Variants in GSTO2 observed in about 807,000 individuals in gnomAD.
The protein encoded by GSTO2 is glutathione S-transferase omega-2.
GSTO2 carries 23 observed loss-of-function variants against 28.4 expected under a neutral mutation model. The ratio of observed to expected loss-of-function variants is 0.81; its 90% CI spans 0.58 to 1.15. The LOEUF (loss-of-function observed/expected upper bound fraction) is 1.15. GSTO2 is among the 50% of genes most tolerant of loss of function. The pLI is 0.00. For missense variants in GSTO2, 298 were observed against 297.8 expected (o/e 1.00, Z 0.00); for synonymous variants, 109 against 111.0 (o/e 0.98, Z 0.11).
At chr10:104,296,248 T>C (rs2013015454) in intron 5 of GSTO2, 1 of 152,200 alleles carries the variant, frequency 6.6e-6, no homozygotes, top group Non-Finnish European at 1.5e-5. Context: ...AATTTTATTT[T>C]AATGCATTAA....
rs757015249 is a variant in GSTO2, at chr10:104,299,373, CTTTCT to C, written c.*97_*101del. Reference sequence around the variant, plus strand: ...TTGTCTTGGGAACCAATCCGTCTCTCTTTCTTTTCTTTGAAGTTCCCAATAAAATG... The same window carrying C: ...TTGTCTTGGGAACCAATCCGTCTCTCTTTCTTTGAAGTTCCCAATAAAATG... On this transcript the variant is annotated 3_prime_UTR_variant, in exon 7 of 7. Coordinates refer to ENST00000338595, the MANE Select transcript of GSTO2 (RefSeq NM_183239.2). The C allele has an allele frequency of 8.3e-5, 117 of 1,409,276 alleles. No homozygotes were observed. Among genetic ancestry groups the C allele is most frequent in the Non-Finnish European group, 1.0e-4 (106 of 1,019,864 alleles). 87.3% of individuals were successfully genotyped at this position (1,409,276 alleles called of 1,614,324 possible).
At chr10:104,279,710 C>T (rs143079922) in intron 5 of GSTO2, among the ~76,000 whole-genome samples, 222 of 152,248 alleles carry the variant, frequency 1.5e-3, no homozygotes, top group African/African-American at 5.1e-3. Flanking sequence ...CAGAGTCACC[C>T]CATCTCCCTG....
Position 104,301,733 on chromosome 10 carries a change from C to G in GSTO2, c.*2449C>G, listed in dbSNP as rs979369504. 1 of 152,156 alleles carries G rather than the reference C, an allele frequency of 6.6e-6. No individual in the cohort carries two copies. Among genetic ancestry groups the G allele is most frequent in the Non-Finnish European group, 1.5e-5 (1 of 68,030 alleles). The allele number at this position is 152,156 out of a possible 1,614,324, so 9.4% of individuals were successfully genotyped here. Reference sequence around the variant, plus strand: ...AACCACTTTTAGTAATTGGTGTCTACCTTTTTTTCCCCTTTTCTTTTAAAT... The same window carrying G: ...AACCACTTTTAGTAATTGGTGTCTAGCTTTTTTTCCCCTTTTCTTTTAAAT... On this transcript the variant is annotated 3_prime_UTR_variant, in exon 7 of 7. Coordinates refer to ENST00000338595, the MANE Select transcript of GSTO2 (RefSeq NM_183239.2).
At chr10:104,275,465 A>G in intron 3 of GSTO2, 131 bp downstream of exon 3, 1 of 728,702 alleles carries the variant, frequency 1.4e-6, no homozygotes, top group Non-Finnish European at 2.2e-6. Flanking sequence ...AGGCAAAGTC[A>G]ACAAATAGCA....
At chr10:104,272,586 A>ATTTTTTTTTTTTTTTTTTT (rs1564841555) in intron 1 of GSTO2, among the ~76,000 whole-genome samples, 1 of 56,900 alleles carries the variant, frequency 1.8e-5, no homozygotes, top group East Asian at 6.5e-4. Flanking sequence ...CAGTTATGGG[A>ATTTTTTTTTTTTTTTTTTT]CTTTTTTTTT....
At chr10:104,280,165 CAAAAAAAAAAA>C (rs56803318) in intron 5 of GSTO2, among the ~76,000 whole-genome samples, 722 of 57,090 alleles carry the variant, frequency 0.013, 33 homozygotes, top group Admixed American at 0.11. Flanking sequence ...GTAGGACTGA[CAAAAAAAAAAA>C]AAAAAAAAAA....
intron 5 of GSTO2, among the ~76,000 whole-genome samples, chr10:104,283,127 C>T (rs1398435287): frequency 6.6e-6 from 1 of 152,206 alleles, no homozygotes; most frequent in Non-Finnish European, 1.5e-5. Context: ...TGGGCAGCTC[C>T]AGCATGTCAC....
At chr10:104,276,782 G>A (rs540842095) in intron 3 of GSTO2, among the ~76,000 whole-genome samples, 19 of 152,244 alleles carry the variant, frequency 1.2e-4, no homozygotes, top group African/African-American at 3.6e-4. Flanking sequence ...TCTGCTGTAG[G>A]TTTAAGACAA....
At position 104,300,358 on chromosome 10, in the gene GSTO2, TG is replaced by T; in HGVS notation, c.*1076del. 1 of 152,398 alleles carries T rather than the reference TG, an allele frequency of 6.6e-6. No individual in the cohort carries two copies. The highest frequency in any genetic ancestry group is 1.9e-4 in the East Asian group (1 of 5,184). 9.4% of individuals were successfully genotyped at this position (152,398 alleles called of 1,614,324 possible). Reference sequence around the variant, plus strand: ...TCCAATTCATCTCAACAAATGCCTCTGGTTGCCTGTTGTGTACCAAGCCCAG... The same window carrying T: ...TCCAATTCATCTCAACAAATGCCTCTGTTGCCTGTTGTGTACCAAGCCCAG... On this transcript the variant is annotated 3_prime_UTR_variant, in exon 7 of 7. Coordinates refer to ENST00000338595, the MANE Select transcript of GSTO2 (RefSeq NM_183239.2).
At chr10:104,275,203 C>A (rs769508351) in intron 2 of GSTO2, 23 bp from the exon 3 acceptor site, 11 of 1,598,592 alleles carry the variant, frequency 6.9e-6, no homozygotes, top group Middle Eastern at 1.7e-4. Flanking sequence ...CTTTCCCTGT[C>A]CCCCTCCATC....
At chr10:104,282,843 T>G (rs528337070) in intron 5 of GSTO2, among the ~76,000 whole-genome samples, 2 of 152,288 alleles carry the variant, frequency 1.3e-5, no homozygotes, top group Admixed American at 1.3e-4. Context: ...TGATGGGATA[T>G]TCATATGCGG....
intron 3 of GSTO2, among the ~76,000 whole-genome samples, chr10:104,276,570 T>C (rs2011643566): frequency 6.6e-6 from 1 of 152,214 alleles, no homozygotes; most frequent in Admixed American, 6.5e-5. Flanking sequence ...AACAAAACCA[T>C]GTCTCCAGAC....
Position 104,270,181 on chromosome 10 carries a change from T to A in GSTO2, c.-232+912T>A, listed in dbSNP as rs375696239. Among the ~76,000 whole-genome samples the A allele has an allele frequency of 2.6e-5, 4 of 151,948 alleles. No individual in the cohort carries two copies. In the South Asian group the frequency reaches 8.3e-4, roughly 32 times the overall value. Reference sequence around the variant, plus strand: ...GGCGCCCGCCACCGCGCCCGGCTAATTTTTTGTATTTTTAGTAGAGACGGG... The same window carrying A: ...GGCGCCCGCCACCGCGCCCGGCTAAATTTTTGTATTTTTAGTAGAGACGGG... On this transcript the variant is annotated intron_variant, in intron 1 of 6. Transcript: ENST00000338595.
intron 1 of GSTO2, among the ~76,000 whole-genome samples, chr10:104,270,171 G>A (rs1327004769): frequency 2.6e-5 from 4 of 152,084 alleles, no homozygotes; most frequent in Admixed American, 2.0e-4. Flanking sequence ...CCGCCACCGC[G>A]CCCGGCTAAT....
intron 5 of GSTO2, among the ~76,000 whole-genome samples, chr10:104,282,029 C>G (rs1044463627): frequency 4.0e-5 from 6 of 151,810 alleles, no homozygotes; most frequent in Admixed American, 6.6e-5. Context: ...AAGGCCTTTT[C>G]CACTGTGCCC....
chr10:104,287,086 C>G (rs904101458), intron 5 of GSTO2, among the ~76,000 whole-genome samples: 2 of 152,178 alleles, frequency 1.3e-5, no homozygotes, highest in African/African-American at 4.8e-5. Context: ...CAGGGTTTTA[C>G]TCTGTTGCCC....
At chr10:104,281,680 C>T (rs2012052998) in intron 5 of GSTO2, among the ~76,000 whole-genome samples, 2 of 152,140 alleles carry the variant, frequency 1.3e-5, no homozygotes, top group East Asian at 3.9e-4. Flanking sequence ...TGGTACTAGT[C>T]CTGTTTTGCA....
chr10:104,303,203 G>A lies in GSTO2; in HGVS notation c.*3919G>A, dbSNP rs916306598. 3 of 152,186 alleles carry A rather than the reference G, an allele frequency of 2.0e-5. No individual in the cohort carries two copies. The highest frequency in any genetic ancestry group is 4.4e-5 in the Non-Finnish European group (3 of 68,034). The allele number at this position is 152,186 out of a possible 1,614,324, so 9.4% of individuals were successfully genotyped here. On this transcript the variant is annotated 3_prime_UTR_variant, in exon 7 of 7. Coordinates refer to ENST00000338595, the MANE Select transcript of GSTO2 (RefSeq NM_183239.2). ...TCCCACTTATAAGTGAGAACATGCA[G>A]TTTTTGTAAACCTGTTTTCTTTAGG...
chr10:104,275,072 C>G (rs1168475051), intron 2 of GSTO2, 123 bp downstream of exon 2: 1 of 1,496,148 alleles, frequency 6.7e-7, no homozygotes, highest in Non-Finnish European at 8.9e-7. Context: ...GGAGGGCTCT[C>G]CTGAAGAAAA....
Sources: gnomAD v4.1 joint callset for allele counts (sites outside exome capture counted in the v4.1 genomes callset) on GRCh38, gnomAD v4.1.1 for gene constraint, MANE v1.5 for transcripts, NCBI Gene and HGNC (gene_info 2026-07-23, HGNC 2026-07-21) for gene names.